Variants in HIC1 observed in about 807,000 individuals in gnomAD.
The protein encoded by HIC1 is HIC ZBTB transcriptional repressor 1.
Under a neutral mutation model 26.4 loss-of-function variants are expected in HIC1, and 9 were observed. That is an observed-to-expected ratio of 0.34 (90% CI 0.21 to 0.59). The LOEUF (loss-of-function observed/expected upper bound fraction) is 0.59, where lower values mean the gene tolerates loss of function less well. HIC1 is among the 20% of genes least tolerant of loss of function. HIC1 has a pLI of 0.82. For missense variants in HIC1, 965 were observed against 1,075.7 expected (o/e 0.90, Z 1.44); for synonymous variants, 631 against 523.1 (o/e 1.21, Z -2.81).
chr17:2,056,149 C>CCG (rs2067670233), intron 1 of HIC1: 1 of 458,274 alleles, frequency 2.2e-6, no homozygotes, highest in Non-Finnish European at 3.8e-6. Context: ...GCCCGGGCCC[C>CCG]GACCGAGGGT....
chr17:2,059,045 G>T lies in HIC1; in HGVS notation c.*210G>T. ...GAGAACCCCGGGACGGGGGTGGGAT[G>T]GGGTAAGGGAAATTTATATTTTTGA... On this transcript the variant is annotated 3_prime_UTR_variant, in exon 2 of 2. Coordinates refer to ENST00000619757, the MANE Select transcript of HIC1 (RefSeq NM_006497.4). The T allele has an allele frequency of 2.1e-6, 1 of 483,130 alleles. No individual in the cohort carries two copies. Among genetic ancestry groups the T allele is most frequent in the Non-Finnish European group, 3.7e-6 (1 of 271,516 alleles). 29.9% of individuals were successfully genotyped at this position (483,130 alleles called of 1,614,324 possible).
rs1597302042 is a variant in HIC1, at chr17:2,057,146, T to C, written c.456T>C (p.Tyr152=). 7.6e-7 allele frequency: 1 copy of C among 1,311,354 alleles called. No individual in the cohort carries two copies. Among genetic ancestry groups the C allele is most frequent in the Non-Finnish European group, 9.6e-7 (1 of 1,039,104 alleles). 81.2% of individuals were successfully genotyped at this position (1,311,354 alleles called of 1,614,324 possible). A position where few individuals can be genotyped will look rare whatever the true frequency, so the allele number is the denominator to read the frequency against. Residue 152 remains tyrosine (Y), a synonymous_variant, in exon 2 of 2, where the codon TAT becomes TAC. Transcript: ENST00000619757. Reference sequence around the variant, plus strand: ...GCGGCGGCGGCGGCTACGCGCCCTATGGTCGGCCGGGCCGGGGCCTGCGGG... The same window carrying C: ...GCGGCGGCGGCGGCTACGCGCCCTACGGTCGGCCGGGCCGGGGCCTGCGGG... ...GGGGGGGYAP[Y]GRPGRGLRAA...
At position 2,062,251 on chromosome 17, in the gene HIC1, A is replaced by AGT. The variant is rs2067803900; in HGVS notation, c.*3417_*3418dup. The AGT allele has an allele frequency of 1.3e-5, 2 of 152,522 alleles. No individual in the cohort carries two copies. The highest frequency in any genetic ancestry group is 4.8e-5 in the African/African-American group (2 of 41,588). The allele number at this position is 152,522 out of a possible 1,614,324, so 9.4% of individuals were successfully genotyped here. Reference sequence around the variant, plus strand: ...ACAGTAATCCATGTATACAGGCGAAAGTCTCTAAGAGGACAGAAGAGTAAA... The same window carrying AGT: ...ACAGTAATCCATGTATACAGGCGAAAGTGTCTCTAAGAGGACAGAAGAGTAAA... On this transcript the variant is annotated 3_prime_UTR_variant, in exon 2 of 2. Coordinates refer to ENST00000619757, the MANE Select transcript of HIC1 (RefSeq NM_006497.4).
At position 2,058,013 on chromosome 17, in the gene HIC1, G is replaced by A; in HGVS notation, c.1323G>A (p.Val441=). 1 of 1,601,632 alleles carries A rather than the reference G, an allele frequency of 6.2e-7. No individual in the cohort carries two copies. The highest frequency in any genetic ancestry group is 1.3e-5 in the African/African-American group (1 of 74,894). ...EQLNAHVEAH[V]EEEEALYGRA... ...TGAACGCGCACGTGGAGGCTCACGT[G>A]GAGGAGGAGGAAGCGCTGTACGGCA... Residue 441 remains valine (V), a synonymous_variant, in exon 2 of 2, where the codon GTG becomes GTA. Transcript: ENST00000619757.
Position 2,060,448 on chromosome 17 carries a change from C to A in HIC1, c.*1613C>A, listed in dbSNP as rs767860211. ...CTGGAAGTTTCTCCCAGCACAGGAG[C>A]CGAGGGTGGAAGGCCCTGGGTGGGA... On this transcript the variant is annotated 3_prime_UTR_variant, in exon 2 of 2. Transcript: ENST00000619757. The A allele has an allele frequency of 2.0e-5, 3 of 152,254 alleles. No homozygotes were observed. Among genetic ancestry groups the A allele is most frequent in the Non-Finnish European group, 4.4e-5 (3 of 68,080 alleles). 9.4% of individuals were successfully genotyped at this position (152,254 alleles called of 1,614,324 possible). A position where few individuals can be genotyped will look rare whatever the true frequency, so the allele number is the denominator to read the frequency against.
Position 2,059,126 on chromosome 17 carries a change from T to TCGGCCCCCTCCCCCGGCTC in HIC1, c.*294_*312dup. On this transcript the variant is annotated 3_prime_UTR_variant, in exon 2 of 2. Transcript: ENST00000619757. Reference sequence around the variant, plus strand: ...CCCTCCCGCCTCTTCCTGTGGTTCGTCGGCCCCCTCCCCCGGCTCCGCGCT... The same window carrying TCGGCCCCCTCCCCCGGCTC: ...CCCTCCCGCCTCTTCCTGTGGTTCGTCGGCCCCCTCCCCCGGCTCCGGCCCCCTCCCCCGGCTCCGCGCT... The TCGGCCCCCTCCCCCGGCTC allele has an allele frequency of 2.9e-6, 1 of 346,216 alleles. No individual in the cohort carries two copies. Among genetic ancestry groups the TCGGCCCCCTCCCCCGGCTC allele is most frequent in the Non-Finnish European group, 5.4e-6 (1 of 183,886 alleles). 21.4% of individuals were successfully genotyped at this position (346,216 alleles called of 1,614,324 possible).
At position 2,057,545 on chromosome 17, in the gene HIC1, C is replaced by A. The variant is rs751980872; in HGVS notation, c.855C>A (p.Ser285=). 1 of 1,499,810 alleles carries A rather than the reference C, an allele frequency of 6.7e-7. No homozygotes were observed. Among genetic ancestry groups the A allele is most frequent in the South Asian group, 1.2e-5 (1 of 81,158 alleles). The allele number at this position is 1,499,810 out of a possible 1,614,324, so 92.9% of individuals were successfully genotyped here. A position where few individuals can be genotyped will look rare whatever the true frequency, so the allele number is the denominator to read the frequency against. ...FQKLEEAAPP[S]DPFRGGSGSP... is the part of the protein sequence containing the mutation. ...AGCTGGAGGAGGCCGCACCGCCTTCCGACCCATTTCGCGGCGGCAGCGGCA... is the reference window on the plus strand; with the variant it reads ...AGCTGGAGGAGGCCGCACCGCCTTCAGACCCATTTCGCGGCGGCAGCGGCA... Residue 285 remains serine (S), a synonymous_variant, in exon 2 of 2, where the codon TCC becomes TCA. Transcript: ENST00000619757.
At position 2,061,469 on chromosome 17, in the gene HIC1, G is replaced by GC. The variant is rs199666681; in HGVS notation, c.*2634_*2635insC. On this transcript the variant is annotated 3_prime_UTR_variant, in exon 2 of 2. Transcript: ENST00000619757. Reference sequence around the variant, plus strand: ...GGCCTTTCAGGAACGGTTCCACGGGGGGGGGGCCCCAGTGTGGCTCCCTCA... The same window carrying GC: ...GGCCTTTCAGGAACGGTTCCACGGGGCGGGGGGCCCCAGTGTGGCTCCCTCA... 58 of 1,566,732 alleles carry GC rather than the reference G, an allele frequency of 3.7e-5. No individual in the cohort carries two copies. The highest frequency in any genetic ancestry group is 3.4e-4 in the Admixed American group (19 of 55,350).
In HIC1 at chr17:2,055,403, G is replaced by T. The variant is rs2067662250; in HGVS notation, c.-21+165G>T. On this transcript the variant is annotated intron_variant, in intron 1 of 1. Transcript: ENST00000619757. The surrounding 1 kb of genome is among the most constrained non-coding windows in gnomAD (Gnocchi z 6.4). ...TCCCTTTCGGACTCAGGACCACCGGGCCGCGGCTCCGCGCCGGGTTCACGG... is the reference window on the plus strand; with the variant it reads ...TCCCTTTCGGACTCAGGACCACCGGTCCGCGGCTCCGCGCCGGGTTCACGG... Among the ~76,000 whole-genome samples, 1 of 151,892 alleles carries T rather than the reference G, an allele frequency of 6.6e-6. No individual in the cohort carries two copies. The highest frequency in any genetic ancestry group is 1.5e-5 in the Non-Finnish European group (1 of 67,918).
Position 2,057,430 on chromosome 17 carries a change from C to T in HIC1, c.740C>T (p.Pro247Leu). ...ERPLAERELP[P>L]RPDSPPSAGP... ...CCGCTGGCTGAGCGCGAGCTGCCCCCGCGCCCGGACAGCCCTCCCAGCGCC... is the reference window on the plus strand; with the variant it reads ...CCGCTGGCTGAGCGCGAGCTGCCCCTGCGCCCGGACAGCCCTCCCAGCGCC... Residue 247 changes from proline (P) to leucine (L), a missense_variant, in exon 2 of 2, where the codon CCG (proline) becomes CTG (leucine). Coordinates refer to ENST00000619757, the MANE Select transcript of HIC1 (RefSeq NM_006497.4). 5 of 1,441,928 alleles carry T rather than the reference C, an allele frequency of 3.5e-6. No individual in the cohort carries two copies. The highest frequency in any genetic ancestry group is 3.6e-6 in the Non-Finnish European group (4 of 1,105,352). The allele number at this position is 1,441,928 out of a possible 1,614,324, so 89.3% of individuals were successfully genotyped here. A position where few individuals can be genotyped will look rare whatever the true frequency, so the allele number is the denominator to read the frequency against.
In HIC1 at chr17:2,061,765, T is replaced by G; in HGVS notation, c.*2930T>G. ...GCTCTTCTACCAGTCCTTTCCTCCG[T>G]CCGGGCTCTCAGCCCCGGGGACCCT... On this transcript the variant is annotated 3_prime_UTR_variant, in exon 2 of 2. Coordinates refer to ENST00000619757, the MANE Select transcript of HIC1 (RefSeq NM_006497.4). The G allele has an allele frequency of 1.0e-6, 1 of 971,578 alleles. No individual in the cohort carries two copies. The highest frequency in any genetic ancestry group is 1.5e-6 in the Non-Finnish European group (1 of 660,326). 60.2% of individuals were successfully genotyped at this position (971,578 alleles called of 1,614,324 possible).
Position 2,057,392 on chromosome 17 carries a change from G to A in HIC1, c.702G>A (p.Ala234=). The change falls in exon 2 of 2, where the codon GCG becomes GCA. Residue 234 remains alanine, a synonymous_variant. Transcript: ENST00000619757. ...CCAAGAAGAGCCCGCCGGGCTCCGC[G>A]GCGCCAGAGCGGCCGCTGGCTGAGC... ...DLSKKSPPGS[A]APERPLAERE... 3.5e-6 allele frequency: 5 copies of A among 1,438,334 alleles called. No individual in the cohort carries two copies. The highest frequency in any genetic ancestry group is 4.5e-6 in the Non-Finnish European group (5 of 1,102,800). The allele number at this position is 1,438,334 out of a possible 1,614,324, so 89.1% of individuals were successfully genotyped here.
In HIC1 at chr17:2,061,472, G is replaced by A. The variant is rs2067773779; in HGVS notation, c.*2637G>A. 6.4e-7 allele frequency: 1 copy of A among 1,565,828 alleles called. No homozygotes were observed. The highest frequency in any genetic ancestry group is 1.4e-5 in the African/African-American group (1 of 74,060). On this transcript the variant is annotated 3_prime_UTR_variant, in exon 2 of 2. Transcript: ENST00000619757. ...CTTTCAGGAACGGTTCCACGGGGGG[G>A]GGGCCCCAGTGTGGCTCCCTCAGCC...
chr17:2,058,256 G>A lies in HIC1; in HGVS notation c.1566G>A (p.Gly522=). The A allele has an allele frequency of 6.2e-7, 1 of 1,611,470 alleles. No individual in the cohort carries two copies. Among genetic ancestry groups the A allele is most frequent in the South Asian group, 1.1e-5 (1 of 91,010 alleles). Residue 522 remains glycine (G), a synonymous_variant, in exon 2 of 2, where the codon GGG becomes GGA. Coordinates refer to ENST00000619757, the MANE Select transcript of HIC1 (RefSeq NM_006497.4). ...LTRPYPCTIC[G]KKFTQRGTMT... Reference sequence around the variant, plus strand: ...GGCCCTACCCATGCACCATCTGCGGGAAGAAGTTCACGCAGCGTGGGACCA... The same window carrying A: ...GGCCCTACCCATGCACCATCTGCGGAAAGAAGTTCACGCAGCGTGGGACCA...
Position 2,057,118 on chromosome 17 carries a change from G to A in HIC1, c.428G>A (p.Gly143Asp). ...HGKYCHLRGG[G>D]GGGGGYAPYG... is the part of the protein sequence containing the mutation. ...AAGTACTGCCACCTGCGGGGCGGCG[G>A]CGGCGGCGGCGGCGGCTACGCGCCC... The change falls in exon 2 of 2, where the codon GGC becomes GAC. Residue 143 changes from glycine to aspartate, a missense_variant. Physicochemically the swap from Gly to Asp is moderately conservative, Grantham distance 94 (BLOSUM62 -1). This residue lies in a region of HIC1 where 526 missense variants were observed against 525.0 expected (regional missense o/e 1.00). Coordinates refer to ENST00000619757, the MANE Select transcript of HIC1 (RefSeq NM_006497.4). 1.5e-6 allele frequency: 2 copies of A among 1,311,064 alleles called. No homozygotes were observed. The highest frequency in any genetic ancestry group is 2.3e-5 in the South Asian group (1 of 43,494). The allele number at this position is 1,311,064 out of a possible 1,614,324, so 81.2% of individuals were successfully genotyped here.
rs2067765216 is a variant in HIC1, at chr17:2,061,223, G to A, written c.*2388G>A. 3 of 405,810 alleles carry A rather than the reference G, an allele frequency of 7.4e-6. No homozygotes were observed. The highest frequency in any genetic ancestry group is 5.4e-5 in the South Asian group (2 of 37,140). 25.1% of individuals were successfully genotyped at this position (405,810 alleles called of 1,614,324 possible). ...GCTGAGAGCATGGGCGGCCTATCTG[G>A]CTTGCCCAGCTGCTGTTGCTGTAGC... is the stretch of plus-strand genomic sequence containing the variant. On this transcript the variant is annotated 3_prime_UTR_variant, in exon 2 of 2. Transcript: ENST00000619757.
rs1198088743 is a variant in HIC1, at chr17:2,058,513, G to A, written c.1823G>A (p.Gly608Asp). Reference sequence around the variant, plus strand: ...GCCGGCGCGGCCGGGGCGCTGGCGGGCTTGGGGGGGCTCCCCGGCGTCCCC... The same window carrying A: ...GCCGGCGCGGCCGGGGCGCTGGCGGACTTGGGGGGGCTCCCCGGCGTCCCC... ...GAAGAAGALA[G>D]LGGLPGVPGP... The change falls in exon 2 of 2, where the codon GGC becomes GAC. Residue 608 changes from glycine (G) to aspartate (D), a missense_variant. Around this residue, in one of 6 missense-constraint regions of HIC1, gnomAD observed 210 missense variants for 179.2 expected, o/e 1.17. Coordinates refer to ENST00000619757, the MANE Select transcript of HIC1 (RefSeq NM_006497.4). The A allele has an allele frequency of 6.7e-7, 1 of 1,494,464 alleles. No homozygotes were observed. Among genetic ancestry groups the A allele is most frequent in the Non-Finnish European group, 8.9e-7 (1 of 1,127,768 alleles). 92.6% of individuals were successfully genotyped at this position (1,494,464 alleles called of 1,614,324 possible).
chr17:2,058,341 A>T lies in HIC1; in HGVS notation c.1651A>T (p.Met551Leu). Residue 551 changes from methionine (M) to leucine (L), a missense_variant, in exon 2 of 2, where the codon ATG (methionine) becomes TTG (leucine). Physicochemically the swap from Met to Leu is conservative, Grantham distance 15. Transcript: ENST00000619757. ...GCCCTTCGCGTGCGACGCGTGCGGCATGCGGTTCACGCGCCAGTACCGCCT... is the reference window on the plus strand; with the variant it reads ...GCCCTTCGCGTGCGACGCGTGCGGCTTGCGGTTCACGCGCCAGTACCGCCT... ...LKPFACDACG[M>L]RFTRQYRLTE... The T allele has an allele frequency of 6.2e-7, 1 of 1,610,132 alleles. No homozygotes were observed. Among genetic ancestry groups the T allele is most frequent in the Admixed American group, 1.7e-5 (1 of 59,764 alleles).
At chr17:2,056,308 G>A in intron 1 of HIC1, 1 of 1,613,290 alleles carries the variant, frequency 6.2e-7, no homozygotes. Context: ...TCTCCGCCCT[G>A]AATGACTTTT....
Sources: gnomAD v4.1 joint callset for allele counts (sites outside exome capture counted in the v4.1 genomes callset) on GRCh38, gnomAD v4.1.1 for gene constraint, gnomAD v4.1.1 regional missense constraint, Gnocchi (gnomAD v3.1) non-coding constraint, MANE v1.5 for transcripts, NCBI Gene and HGNC (gene_info 2026-07-23, HGNC 2026-07-21) for gene names.